The following CACNA2D1 variants were observed in gnomAD, a reference collection of about 807,000 sequenced individuals.
CACNA2D1 encodes voltage-dependent calcium channel subunit alpha-2/delta-1.
In CACNA2D1, 53 loss-of-function variants were observed where a neutral mutation model predicts 171.5. That is an observed-to-expected ratio of 0.31 (90% CI 0.25 to 0.39). The LOEUF is 0.39. CACNA2D1 is among the 10% of genes least tolerant of loss of function. The pLI, the probability that CACNA2D1 is intolerant of heterozygous loss-of-function variation, is 1.00. For synonymous variants in CACNA2D1, 442 were observed against 443.1 expected (o/e 1.00, Z 0.03); for missense variants, 903 against 1,299.8 (o/e 0.69, Z 4.69).
intron 17 of CACNA2D1, 70 bp from the exon 18 acceptor site, chr7:82,005,567 T>C (rs184952899): frequency 4.8e-5 from 49 of 1,010,962 alleles, no homozygotes; most frequent in Admixed American, 4.6e-4. Flanking sequence ...TTCTTTTAAA[T>C]ACATAATGTA....
intron 3 of CACNA2D1, among the ~76,000 whole-genome samples, chr7:82,291,152 A>AATTCTATATCGATATAGAATTATAATTCT (rs1811490996): frequency 8.1e-6 from 1 of 123,006 alleles, no homozygotes; most frequent in Non-Finnish European, 1.6e-5. Flanking sequence ...TTGTACATAT[A>AATTCTATATCGATATAGAATTATAATTCT]ATTCTATATC....
intron 6 of CACNA2D1, among the ~76,000 whole-genome samples, chr7:82,099,317 AATTTGT>A (rs1238776666): frequency 6.6e-6 from 1 of 151,988 alleles, no homozygotes; most frequent in East Asian, 1.9e-4. Context: ...CACTTCTAAC[AATTTGT>A]AGTTAAAATT....
chr7:82,358,673 G>GTT (rs148258535), intron 1 of CACNA2D1, among the ~76,000 whole-genome samples: 5 of 147,796 alleles, frequency 3.4e-5, no homozygotes, highest in Non-Finnish European at 4.5e-5. Flanking sequence ...TTCATTTTCT[G>GTT]TTTTTTTTTT....
chr7:82,031,269 G>C (rs1408890894), intron 12 of CACNA2D1, among the ~76,000 whole-genome samples: 2 of 151,908 alleles, frequency 1.3e-5, no homozygotes, highest in Non-Finnish European at 2.9e-5. Flanking sequence ...GAGGTTCAGG[G>C]ACATCTTCCA....
Position 82,415,200 on chromosome 7 carries a change from G to A in CACNA2D1, c.95+28165C>T, listed in dbSNP as rs539055869. On this transcript the variant is annotated intron_variant, in intron 1 of 38. Transcript: ENST00000356860. ...CAAATCTCTTTGTCCAAGAATGCTAGAAAAAATCCCTAGGCATGAAGTCTG... is the reference window on the plus strand; with the variant it reads ...CAAATCTCTTTGTCCAAGAATGCTAAAAAAAATCCCTAGGCATGAAGTCTG... Among the ~76,000 whole-genome samples the A allele has an allele frequency of 9.9e-5, 15 of 152,166 alleles. No homozygotes were observed. The East Asian group carries it at 2.9e-3, about 29-fold the overall frequency.
chr7:82,433,595 T>C (rs532082464), intron 1 of CACNA2D1, among the ~76,000 whole-genome samples: 2 of 152,348 alleles, frequency 1.3e-5, no homozygotes, highest in East Asian at 3.9e-4. Flanking sequence ...TCTTGATCCC[T>C]TCCTCACCTG....
chr7:82,349,972 C>A (rs1289256663), intron 1 of CACNA2D1, among the ~76,000 whole-genome samples: 1 of 152,178 alleles, frequency 6.6e-6, no homozygotes, highest in African/African-American at 2.4e-5. Context: ...TTCTAAACTA[C>A]AAACTTTATC....
intron 7 of CACNA2D1, among the ~76,000 whole-genome samples, chr7:82,078,574 C>T (rs186739777): frequency 3.5e-4 from 54 of 152,268 alleles, no homozygotes; most frequent in African/African-American, 1.3e-3. Context: ...TCAAGGAAGA[C>T]ATCATTAAAT....
chr7:82,135,843 A>G (rs117566091), intron 5 of CACNA2D1, among the ~76,000 whole-genome samples: 2,003 of 152,276 alleles, frequency 0.013, 24 homozygotes, highest in Non-Finnish European at 0.018. Flanking sequence ...ATGTTTACTG[A>G]AATACCCCAA....
chr7:82,084,971 A>G lies in CACNA2D1; in HGVS notation c.527-71T>C, dbSNP rs1371844057. ...AAAAACTGAATGTCTTCATTTATTT[A>G]CAAAATAATATTAAATATGTTCATT... On this transcript the variant is annotated intron_variant, in intron 6 of 38. Transcript: ENST00000356860. The G allele has an allele frequency of 1.6e-5, 19 of 1,192,990 alleles. No homozygotes were observed. In the Admixed American group the frequency reaches 3.4e-4, roughly 22 times the overall value. The allele number at this position is 1,192,990 out of a possible 1,614,324, so 73.9% of individuals were successfully genotyped here. A position where few individuals can be genotyped will look rare whatever the true frequency, so the allele number is the denominator to read the frequency against.
At chr7:82,342,612 T>A (rs1461402721) in intron 2 of CACNA2D1, among the ~76,000 whole-genome samples, 2 of 152,234 alleles carry the variant, frequency 1.3e-5, no homozygotes, top group African/African-American at 4.8e-5. Flanking sequence ...ATTAAGGTAA[T>A]GATCAGTGTG....
chr7:82,002,260 C>T (rs1390535635), intron 18 of CACNA2D1, among the ~76,000 whole-genome samples: 1 of 152,058 alleles, frequency 6.6e-6, no homozygotes, highest in African/African-American at 2.4e-5. Flanking sequence ...ACACGTCTCA[C>T]CCCTTCTCCT....
intron 3 of CACNA2D1, among the ~76,000 whole-genome samples, chr7:82,171,816 C>CA (rs1432648815): frequency 6.6e-6 from 1 of 152,056 alleles, no homozygotes; most frequent in East Asian, 1.9e-4. Flanking sequence ...TAGAAATTAT[C>CA]AGGTTAGGTT....
At chr7:82,324,468 G>A (rs1243969240) in intron 3 of CACNA2D1, among the ~76,000 whole-genome samples, 1 of 151,582 alleles carries the variant, frequency 6.6e-6, no homozygotes, top group African/African-American at 2.4e-5. Flanking sequence ...TTAAAATGCT[G>A]AGTGCGGTAG....
chr7:82,372,734 C>T (rs12531928), intron 1 of CACNA2D1, among the ~76,000 whole-genome samples: 94,747 of 151,676 alleles, frequency 0.62, 30,193 homozygotes, highest in Middle Eastern at 0.74. Flanking sequence ...TTTCAAAATA[C>T]ATGATATCAC....
chr7:82,075,326 G>T (rs375624569), intron 7 of CACNA2D1, among the ~76,000 whole-genome samples: 2 of 152,088 alleles, frequency 1.3e-5, no homozygotes, highest in African/African-American at 4.8e-5. Context: ...CTGTCAGCAG[G>T]AGTAGCAGTC....
At chr7:82,188,788 C>T (rs879093494) in intron 3 of CACNA2D1, among the ~76,000 whole-genome samples, 1 of 152,090 alleles carries the variant, frequency 6.6e-6, no homozygotes, top group South Asian at 2.1e-4. Flanking sequence ...CAACAGGAGA[C>T]TGAATAAAGA....
At chr7:82,291,655 A>G (rs1811640086) in intron 3 of CACNA2D1, among the ~76,000 whole-genome samples, 1 of 137,494 alleles carries the variant, frequency 7.3e-6, no homozygotes, top group Non-Finnish European at 1.5e-5. Flanking sequence ...GTGTGCATAT[A>G]TATATATTTT....
chr7:82,232,861 C>CAAAAAAAAAAAAAAAAAA (rs71093370), intron 3 of CACNA2D1, among the ~76,000 whole-genome samples: 1 of 52,412 alleles, frequency 1.9e-5, no homozygotes, highest in African/African-American at 6.6e-5. Flanking sequence ...GAGATGTCTC[C>CAAAAAAAAAAAAAAAAAA]AAAAAAAAAA....
Sources: gnomAD v4.1 joint callset for allele counts (sites outside exome capture counted in the v4.1 genomes callset) on GRCh38, gnomAD v4.1.1 for gene constraint, MANE v1.5 for transcripts, NCBI Gene and HGNC (gene_info 2026-07-23, HGNC 2026-07-21) for gene names.